Variants in CLGN observed in about 807,000 individuals in gnomAD.
CLGN encodes testis tissue sperm-binding protein Li 79P.
CLGN carries 62 observed loss-of-function variants against 79.1 expected under a neutral mutation model. The observed-to-expected ratio is 0.78, with a 90% CI of 0.64 to 0.97. CLGN has a LOEUF of 0.97. CLGN is among the 50% of genes least tolerant of loss of function. The probability of loss-of-function intolerance (pLI) is 0.00; values close to 1 mark genes in which losing one functional copy is unlikely to be tolerated. For synonymous variants in CLGN, 225 were observed against 224.7 expected, an observed-to-expected ratio of 1.00 and a Z score of -0.01; for missense variants, 647 against 715.5, an observed-to-expected ratio of 0.90 and a Z score of 1.09.
intron 1 of CLGN, among the ~76,000 whole-genome samples, chr4:140,422,435 C>T (rs928364962): frequency 6.6e-6 from 1 of 152,182 alleles, no homozygotes; most frequent in Non-Finnish European, 1.5e-5. Context: ...TAATTTCTTT[C>T]AGCAGCATTT....
intron 13 of CLGN, among the ~76,000 whole-genome samples, chr4:140,391,040 G>T (rs1283908445): frequency 6.6e-6 from 1 of 151,180 alleles, no homozygotes; most frequent in African/African-American, 2.4e-5. Context: ...TTTAATTTTT[G>T]GTGATCTTTT....
intron 5 of CLGN, among the ~76,000 whole-genome samples, chr4:140,403,945 T>G (rs1200431494): frequency 1.3e-5 from 2 of 152,174 alleles, no homozygotes; most frequent in East Asian, 3.8e-4. Flanking sequence ...AAATAGCAAT[T>G]ACTGTTAGGT....
Position 140,389,239 on chromosome 4 carries a change from T to C in CLGN, c.1818A>G (p.Arg606=), listed in dbSNP as rs1457475365. 6.2e-6 allele frequency: 10 copies of C among 1,612,230 alleles called. No homozygotes were observed. The East Asian group carries it at 2.2e-4, about 36-fold the overall frequency. Residue 606 remains arginine (R), a synonymous_variant, in exon 15 of 15, where the codon AGA becomes AGG. Coordinates refer to ENST00000325617, the MANE Select transcript of CLGN (RefSeq NM_004362.3). ...TCAATCTAGTTTAGTCCTTTCGTAC[T>C]CTTCTTTTGCGTACTGACTTTATCG... ...DGPIKSVRKR[R]VRKD is the part of the protein sequence containing the mutation.
At chr4:140,405,509 C>G (rs960119757) in intron 5 of CLGN, among the ~76,000 whole-genome samples, 8 of 152,096 alleles carry the variant, frequency 5.3e-5, no homozygotes, top group African/African-American at 1.9e-4. Context: ...AAGAGTAAAA[C>G]AAAAATGGTG....
chr4:140,406,294 AG>A (rs1560743805), intron 4 of CLGN, among the ~76,000 whole-genome samples: 1 of 152,122 alleles, frequency 6.6e-6, no homozygotes, highest in East Asian at 1.9e-4. Flanking sequence ...TCTTAACTAA[AG>A]TTGTGAAAAC....
At chr4:140,396,042 T>C (rs377503850) in intron 9 of CLGN, 50 bp downstream of exon 9, 18 of 1,609,838 alleles carry the variant, frequency 1.1e-5, no homozygotes, top group South Asian at 3.3e-5. Flanking sequence ...GTAACAAAAA[T>C]GCATGTAAGA....
chr4:140,425,876 G>A (rs182539417), intron 1 of CLGN, among the ~76,000 whole-genome samples: 3 of 151,914 alleles, frequency 2.0e-5, no homozygotes, highest in South Asian at 2.1e-4. Flanking sequence ...TGATCCGCCC[G>A]CCTCGGCCTC....
At chr4:140,416,499 G>T (rs1729335227) in intron 1 of CLGN, among the ~76,000 whole-genome samples, 1 of 152,110 alleles carries the variant, frequency 6.6e-6, no homozygotes, top group Non-Finnish European at 1.5e-5. Flanking sequence ...AATAGACGCA[G>T]CAAAAAATGA....
At chr4:140,403,438 T>C (rs1467018610) in intron 5 of CLGN, among the ~76,000 whole-genome samples, 2 of 152,224 alleles carry the variant, frequency 1.3e-5, no homozygotes, top group Admixed American at 6.5e-5. Context: ...TAGAGGACAG[T>C]TTGTTTTCCT....
intron 5 of CLGN, among the ~76,000 whole-genome samples, chr4:140,405,472 C>T (rs1729089525): frequency 6.6e-6 from 1 of 152,054 alleles, no homozygotes; most frequent in Non-Finnish European, 1.5e-5. Context: ...GCGTGAGCCA[C>T]CGCGCCCGGC....
At chr4:140,393,789 A>T (rs1578898893) in intron 11 of CLGN, 37 bp downstream of exon 11, 1 of 1,564,754 alleles carries the variant, frequency 6.4e-7, no homozygotes, top group East Asian at 2.3e-5. Flanking sequence ...ATTATTATTC[A>T]TAGTTATATC....
At chr4:140,419,293 T>C (rs955446257) in intron 1 of CLGN, among the ~76,000 whole-genome samples, 14 of 152,106 alleles carry the variant, frequency 9.2e-5, no homozygotes, top group African/African-American at 1.9e-4. Flanking sequence ...GTATGGCACA[T>C]GTATACATAT....
In CLGN at chr4:140,412,125, G is replaced by A. The variant is rs150746925; in HGVS notation, c.144+810C>T. On this transcript the variant is annotated intron_variant, in intron 2 of 14. Coordinates refer to ENST00000325617, the MANE Select transcript of CLGN (RefSeq NM_004362.3). Reference sequence around the variant, plus strand: ...ATAGAAATAGGCTTTAAAAAAAATTGTCCTTACAGAGCTTCAATTTAACAG... The same window carrying A: ...ATAGAAATAGGCTTTAAAAAAAATTATCCTTACAGAGCTTCAATTTAACAG... Among the ~76,000 whole-genome samples, 31 of 152,104 alleles carry A rather than the reference G, an allele frequency of 2.0e-4. No individual in the cohort carries two copies. The East Asian group carries it at 5.8e-3, about 28-fold the overall frequency.
rs75268705 is a variant in CLGN at position 140,392,355 on chromosome 4, A to G, written c.1515T>C (p.Tyr505=). Residue 505 remains tyrosine (Y), a synonymous_variant, in exon 13 of 15, where the codon TAT becomes TAC. Coordinates refer to ENST00000325617, the MANE Select transcript of CLGN (RefSeq NM_004362.3). ...KVKKKHKDTE[Y]KKTDICIPQT... is the part of the protein sequence containing the mutation. ...GTGGTATACATATGTCGGTTTTTTT[A>G]TACTCTGTATCTTTATGTTTTTTCT... 11 of 1,604,920 alleles carry G rather than the reference A, an allele frequency of 6.9e-6. No individual in the cohort carries two copies. Among genetic ancestry groups the G allele is most frequent in the Non-Finnish European group, 8.5e-6 (10 of 1,176,970 alleles).
At chr4:140,395,664 A>T (rs1017825674) in intron 10 of CLGN, among the ~76,000 whole-genome samples, 155 bp downstream of exon 10, 1 of 152,208 alleles carries the variant, frequency 6.6e-6, no homozygotes, top group Non-Finnish European at 1.5e-5. Context: ...TTGATGCTCT[A>T]CTTTTAAAAT....
chr4:140,406,226 C>A (rs1190710855), intron 4 of CLGN, 143 bp from the exon 5 acceptor site: 1 of 708,682 alleles, frequency 1.4e-6, no homozygotes, highest in Non-Finnish European at 2.4e-6. Context: ...ATATCTTCAA[C>A]TATATATGTA....
At chr4:140,394,783 G>A (rs1353017356) in intron 10 of CLGN, among the ~76,000 whole-genome samples, 2 of 152,158 alleles carry the variant, frequency 1.3e-5, no homozygotes, top group South Asian at 2.1e-4. Context: ...ATGTTAGAAC[G>A]TATCCATAAA....
At chr4:140,394,635 T>C (rs975453151) in intron 10 of CLGN, among the ~76,000 whole-genome samples, 6 of 152,222 alleles carry the variant, frequency 3.9e-5, no homozygotes, top group African/African-American at 1.4e-4. Flanking sequence ...ACATACATGG[T>C]TCCTGTATTA....
At chr4:140,396,536 G>T (rs779508771) in intron 8 of CLGN, among the ~76,000 whole-genome samples, 4 of 151,760 alleles carry the variant, frequency 2.6e-5, no homozygotes, top group Non-Finnish European at 5.9e-5. Flanking sequence ...TATGTGTCAA[G>T]ACTGTTCGAG....
Sources: gnomAD v4.1 joint callset for allele counts (sites outside exome capture counted in the v4.1 genomes callset) on GRCh38, gnomAD v4.1.1 for gene constraint, MANE v1.5 for transcripts, NCBI Gene and HGNC (gene_info 2026-07-23, HGNC 2026-07-21) for gene names.